Variants in ATP8B4 observed in about 807,000 individuals in gnomAD.
The protein encoded by ATP8B4 is ATPase phospholipid transporting 8B4 (putative).
ATP8B4 carries 133 observed loss-of-function variants against 145.6 expected under a neutral mutation model. The observed-to-expected ratio is 0.91, with a 90% CI of 0.79 to 1.05. The LOEUF is 1.05. Ranked by LOEUF, ATP8B4 falls within the 50% of genes least tolerant of loss-of-function variation. The pLI is 0.00. For missense variants in ATP8B4, 1,458 were observed against 1,425.2 expected (o/e 1.02, Z -0.37); for synonymous variants, 507 against 492.9 (o/e 1.03, Z -0.38).
intron 1 of ATP8B4, among the ~76,000 whole-genome samples, chr15:50,125,488 A>G (rs968121862): frequency 6.6e-6 from 1 of 151,990 alleles, no homozygotes; most frequent in African/African-American, 2.4e-5. Flanking sequence ...ATTCTTCACC[A>G]TTTTCCAAGC....
intron 2 of ATP8B4, among the ~76,000 whole-genome samples, chr15:50,103,680 G>A (rs2056506227): frequency 6.6e-6 from 1 of 152,048 alleles, no homozygotes; most frequent in African/African-American, 2.4e-5. Context: ...CAAATTCAAT[G>A]CAATTCCCAT....
chr15:50,171,750 A>G (rs1377773010), intron 1 of ATP8B4, among the ~76,000 whole-genome samples: 4 of 152,182 alleles, frequency 2.6e-5, no homozygotes, highest in African/African-American at 9.7e-5. Flanking sequence ...ACAAACAAAA[A>G]TACAAAGAAT....
intron 1 of ATP8B4, among the ~76,000 whole-genome samples, chr15:50,140,131 A>G (rs1595639258): frequency 6.6e-6 from 1 of 152,312 alleles, no homozygotes; most frequent in East Asian, 1.9e-4. Context: ...TAATTTATCC[A>G]TGTAAAAAAA....
At chr15:50,172,763 T>G (rs2044698855) in intron 1 of ATP8B4, among the ~76,000 whole-genome samples, 1 of 147,966 alleles carries the variant, frequency 6.8e-6, no homozygotes, top group Non-Finnish European at 1.5e-5. Context: ...CCGCCCCGTC[T>G]GAGATGTGAA....
intron 13 of ATP8B4, among the ~76,000 whole-genome samples, chr15:49,965,678 T>C (rs1338190778): frequency 6.6e-6 from 1 of 152,134 alleles, no homozygotes; most frequent in Non-Finnish European, 1.5e-5. Flanking sequence ...CCCAAAACCA[T>C]GTGCACTTAC....
intron 13 of ATP8B4, among the ~76,000 whole-genome samples, chr15:49,968,532 A>G (rs1208141785): frequency 1.3e-5 from 2 of 152,248 alleles, no homozygotes; most frequent in African/African-American, 4.8e-5. Context: ...AAAGAAGGGC[A>G]TTACATAATG....
intron 13 of ATP8B4, among the ~76,000 whole-genome samples, chr15:49,970,811 C>T (rs2045043491): frequency 6.6e-6 from 1 of 152,060 alleles, no homozygotes; most frequent in African/African-American, 2.4e-5. Context: ...CCCATATAGC[C>T]AAGACAATCC....
At chr15:50,132,282 C>G (rs2044058353) in intron 1 of ATP8B4, among the ~76,000 whole-genome samples, 1 of 151,874 alleles carries the variant, frequency 6.6e-6, no homozygotes, top group Admixed American at 6.6e-5. Flanking sequence ...TTTTATGGAT[C>G]CATAAAAAAG....
In ATP8B4 at chr15:49,934,152, A is replaced by C. The variant is rs1361387923; in HGVS notation, c.1318T>G (p.Ser440Ala). 6.2e-7 allele frequency: 1 copy of C among 1,611,538 alleles called. No individual in the cohort carries two copies. Among genetic ancestry groups the C allele is most frequent in the Non-Finnish European group, 8.5e-7 (1 of 1,178,994 alleles). Residue 440 changes from serine to alanine, a missense_variant, in exon 15 of 28, where the codon TCT becomes GCT. By Grantham distance (99) the Ser-to-Ala change is moderately conservative. Transcript: ENST00000284509. ...AACTGAAATTCTCTATCCGCTTGAG[A>C]TTTGACTGAGAAATCCACAGGCTCT... is the stretch of plus-strand genomic sequence containing the variant. ...EKEPVDFSVK[S>A]QADREFQFFD...
rs2031140085 is a variant in ATP8B4 at position 49,858,866 on chromosome 15, C to G, written c.*1328G>C. ...TGATGTTGAGTTAACTGGAACTTAA[C>G]TCATCTGTTTATGAAATAATTATGT... On this transcript the variant is annotated 3_prime_UTR_variant, in exon 28 of 28. Transcript: ENST00000284509. 1 of 152,164 alleles carries G rather than the reference C, an allele frequency of 6.6e-6. No homozygotes were observed. The highest frequency in any genetic ancestry group is 1.5e-5 in the Non-Finnish European group (1 of 68,026). The allele number at this position is 152,164 out of a possible 1,614,324, so 9.4% of individuals were successfully genotyped here. A position where few individuals can be genotyped will look rare whatever the true frequency, so the allele number is the denominator to read the frequency against.
chr15:49,918,949 A>G lies in ATP8B4; in HGVS notation c.1925T>C (p.Leu642Pro). The G allele has an allele frequency of 6.2e-7, 1 of 1,603,674 alleles. No individual in the cohort carries two copies. Residue 642 changes from leucine (L) to proline (P), a missense_variant and splice_region_variant, in exon 19 of 28, where the codon CTA becomes CCA. Leu to Pro is a moderately conservative substitution (Grantham distance 98). Transcript: ENST00000284509. ...ATCTTCTACAGCAGTGGCACCTAGT[A>G]GCTTTATTGAAAAAGAGAGAAAAGT... The part of the protein sequence containing the change: ...LYEEIERDLM[L>P]LGATAVEDKL...
At chr15:50,084,298 C>A (rs1306732474) in intron 2 of ATP8B4, among the ~76,000 whole-genome samples, 3 of 152,150 alleles carry the variant, frequency 2.0e-5, no homozygotes, top group African/African-American at 4.8e-5. Flanking sequence ...AGGAGCCTCA[C>A]TTTATTTACC....
intron 6 of ATP8B4, among the ~76,000 whole-genome samples, chr15:50,015,992 G>A (rs775203524): frequency 2.6e-5 from 4 of 152,154 alleles, no homozygotes; most frequent in Non-Finnish European, 2.9e-5. Flanking sequence ...CTATAGCATG[G>A]AGAATTTAGT....
rs138381010 is a variant in ATP8B4 at position 50,132,271 on chromosome 15, C to A, written c.-42-25263G>T. 3.9e-5 allele frequency among the ~76,000 whole-genome samples: 6 copies of A among 152,208 alleles called. No homozygotes were observed. The East Asian group carries it at 9.6e-4, about 24-fold the overall frequency. ...TATGAATATTAATTAGATATGGATT[C>A]TTTTATGGATCCATAAAAAAGTGGG... On this transcript the variant is annotated intron_variant, in intron 1 of 3. Coordinates refer to the ATP8B4 transcript ENST00000558829.
chr15:50,031,288 G>C (rs1341400899), intron 6 of ATP8B4, among the ~76,000 whole-genome samples: 1 of 152,064 alleles, frequency 6.6e-6, no homozygotes, highest in East Asian at 1.9e-4. Flanking sequence ...CTGCAAGTCT[G>C]TTCCTATAGA....
Position 50,172,472 on chromosome 15 carries a change from C to T in ATP8B4, c.-43+9789G>A, listed in dbSNP as rs565019719. On this transcript the variant is annotated intron_variant, in intron 1 of 3. Transcript: ENST00000558829. ...AATGTTGCCCAGGCTGGAGTGCAGC[C>T]GGCGTGATCTCGGCTCGCTACAACC... 9.8e-5 allele frequency among the ~76,000 whole-genome samples: 15 copies of T among 152,346 alleles called. No homozygotes were observed. The South Asian group carries it at 1.0e-3, about 11-fold the overall frequency.
chr15:50,081,444 G>A (rs2054551058), intron 2 of ATP8B4, among the ~76,000 whole-genome samples: 1 of 152,184 alleles, frequency 6.6e-6, no homozygotes, highest in African/African-American at 2.4e-5. Flanking sequence ...AGATCTTGAA[G>A]TAATTTTTTT....
chr15:49,917,215 G>C, intron 19 of ATP8B4, 176 bp from the exon 20 acceptor site: 1 of 547,372 alleles, frequency 1.8e-6, no homozygotes, highest in Non-Finnish European at 3.2e-6. Flanking sequence ...CAAAGACCTG[G>C]GTTTCAGGAT....
intron 1 of ATP8B4, among the ~76,000 whole-genome samples, chr15:50,148,099 A>T (rs1423948450): frequency 2.0e-5 from 3 of 150,154 alleles, no homozygotes; most frequent in African/African-American, 7.6e-5. Flanking sequence ...ACACACTGAG[A>T]AGGACAGAAC....
Sources: gnomAD v4.1 joint callset for allele counts (sites outside exome capture counted in the v4.1 genomes callset) on GRCh38, gnomAD v4.1.1 for gene constraint, MANE v1.5 for transcripts, NCBI Gene and HGNC (gene_info 2026-07-23, HGNC 2026-07-21) for gene names.